The following GARNL3 variants were observed in gnomAD, a reference collection of about 807,000 sequenced individuals.
The protein encoded by GARNL3 is GTPase activating Rap/RanGAP domain like 3.
GARNL3 carries 63 observed loss-of-function variants against 125.0 expected under a neutral mutation model. That is an observed-to-expected ratio of 0.50 (90% CI 0.41 to 0.62). The LOEUF is 0.62. GARNL3 is among the 20% of genes least tolerant of loss of function. GARNL3 has a pLI of 0.00. For synonymous variants in GARNL3, 439 were observed against 457.5 expected, an observed-to-expected ratio of 0.96 and a Z score of 0.52; for missense variants, 994 against 1,244.0, an observed-to-expected ratio of 0.80 and a Z score of 3.02.
chr9:127,296,306 A>G (rs1016944613), intron 2 of GARNL3, among the ~76,000 whole-genome samples: 3 of 152,172 alleles, frequency 2.0e-5, no homozygotes, highest in Non-Finnish European at 4.4e-5. Context: ...CAAAGGGAAG[A>G]GATGCATAGG....
chr9:127,354,811 C>T (rs1158147110), intron 19 of GARNL3, among the ~76,000 whole-genome samples: 4 of 152,112 alleles, frequency 2.6e-5, no homozygotes, highest in East Asian at 1.9e-4. Context: ...CCTTTCCTTT[C>T]GGCAGAGTCT....
chr9:127,363,464 T>C (rs1247343046), intron 21 of GARNL3: 3 of 152,322 alleles, frequency 2.0e-5, no homozygotes, highest in Admixed American at 6.5e-5. Flanking sequence ...GAGCTGGGGA[T>C]TCCATTGGAA....
At chr9:127,393,005 C>T in intron 27 of GARNL3, 78 bp from the exon 28 acceptor site, 1 of 1,188,662 alleles carries the variant, frequency 8.4e-7, no homozygotes, top group Non-Finnish European at 1.2e-6. Context: ...CTCAGATGAG[C>T]AGGAAATTGC....
chr9:127,388,886 T>A lies in GARNL3; in HGVS notation c.2528-18T>A. On this transcript the variant is annotated intron_variant, in intron 25 of 27. Coordinates refer to ENST00000373387, the MANE Select transcript of GARNL3 (RefSeq NM_032293.5). The stretch of plus-strand genomic sequence containing the variant: ...CTTTTCTTAAAGTTCTGATGTTCTT[T>A]TTGAAATCACATTTCAGGTGAAATT... 1 of 1,447,268 alleles carries A rather than the reference T, an allele frequency of 6.9e-7. No individual in the cohort carries two copies. 89.7% of individuals were successfully genotyped at this position (1,447,268 alleles called of 1,614,324 possible).
chr9:127,341,837 C>G (rs1426026710), intron 13 of GARNL3, among the ~76,000 whole-genome samples: 1 of 152,118 alleles, frequency 6.6e-6, no homozygotes, highest in African/African-American at 2.4e-5. Context: ...CAGAAGAATG[C>G]AGGCTCAAGG....
chr9:127,354,434 C>A, intron 19 of GARNL3, 24 bp downstream of exon 19: 1 of 1,384,000 alleles, frequency 7.2e-7, no homozygotes, highest in Non-Finnish European at 1.0e-6. Context: ...TTGGTAGATT[C>A]CATTCGATTC....
intron 2 of GARNL3, among the ~76,000 whole-genome samples, chr9:127,249,230 G>A (rs1325077976): frequency 3.9e-5 from 6 of 152,170 alleles, no homozygotes; most frequent in African/African-American, 1.4e-4. Flanking sequence ...AGGGGAAGAA[G>A]GGGCAAGAAA....
intron 2 of GARNL3, among the ~76,000 whole-genome samples, chr9:127,294,197 C>G (rs1013181634): frequency 3.3e-5 from 5 of 152,220 alleles, no homozygotes; most frequent in Admixed American, 2.6e-4. Flanking sequence ...CAAACATCCT[C>G]AAGCCAAAAA....
intron 26 of GARNL3, among the ~76,000 whole-genome samples, chr9:127,389,626 T>C (rs1391393158): frequency 6.6e-6 from 1 of 152,070 alleles, no homozygotes; most frequent in Admixed American, 6.6e-5. Flanking sequence ...TGAGCTCATT[T>C]CTCTCAGTAT....
intron 2 of GARNL3, among the ~76,000 whole-genome samples, chr9:127,254,787 C>T (rs540972547): frequency 6.7e-5 from 10 of 149,264 alleles, no homozygotes; most frequent in African/African-American, 2.5e-4. Flanking sequence ...AAAAAAACTA[C>T]CAATTAATTG....
intron 7 of GARNL3, among the ~76,000 whole-genome samples, chr9:127,327,979 T>C (rs1376822421): frequency 2.0e-5 from 3 of 152,220 alleles, no homozygotes; most frequent in Non-Finnish European, 4.4e-5. Flanking sequence ...TCCACAGATA[T>C]TTATTGAGCA....
intron 19 of GARNL3, among the ~76,000 whole-genome samples, chr9:127,354,878 C>T (rs749219280): frequency 7.2e-5 from 11 of 152,162 alleles, no homozygotes; most frequent in Non-Finnish European, 1.6e-4. Context: ...CTACAACCTC[C>T]GCCTCCTGGG....
chr9:127,292,589 A>G (rs1354057611), intron 2 of GARNL3, among the ~76,000 whole-genome samples: 1 of 152,232 alleles, frequency 6.6e-6, no homozygotes, highest in Non-Finnish European at 1.5e-5. Flanking sequence ...CCTGAAATGG[A>G]CAAACCAAAC....
At chr9:127,291,283 A>G (rs1403423122) in intron 2 of GARNL3, 41 bp downstream of exon 2, 18 of 1,512,108 alleles carry the variant, frequency 1.2e-5, no homozygotes, top group Non-Finnish European at 1.6e-5. Context: ...CACCAAGCAC[A>G]TGATTATAGT....
chr9:127,359,542 G>A (rs554094074), intron 21 of GARNL3, among the ~76,000 whole-genome samples: 1 of 152,060 alleles, frequency 6.6e-6, no homozygotes, highest in African/African-American at 2.4e-5. Flanking sequence ...TGTGTAAGCA[G>A]CCAAACAAAG....
At chr9:127,380,200 ATGTGTGTGTG>A (rs55906930) in intron 22 of GARNL3, among the ~76,000 whole-genome samples, 28 of 141,744 alleles carry the variant, frequency 2.0e-4, no homozygotes, top group South Asian at 1.4e-3. Context: ...CTCAAAAAAT[ATGTGTGTGTG>A]TGTGTGTGTG....
At chr9:127,388,875 C>T (rs775398677) in intron 25 of GARNL3, 29 bp from the exon 26 acceptor site, 2 of 1,300,102 alleles carry the variant, frequency 1.5e-6, no homozygotes, top group Non-Finnish European at 2.2e-6. Flanking sequence ...TCTTAAAGTT[C>T]TGATGTTCTT....
At chr9:127,245,244 G>T (rs1407803453) in intron 2 of GARNL3, 1 of 152,394 alleles carries the variant, frequency 6.6e-6, no homozygotes, top group Non-Finnish European at 1.5e-5. Flanking sequence ...GGGCGGGACC[G>T]CTGGAGAGCC....
chr9:127,361,316 G>T (rs1478353136), intron 21 of GARNL3, among the ~76,000 whole-genome samples: 2 of 151,806 alleles, frequency 1.3e-5, no homozygotes, highest in Non-Finnish European at 2.9e-5. Flanking sequence ...TCTGTCCCAG[G>T]CTGGAGTGCA....
Sources: gnomAD v4.1 joint callset for allele counts (sites outside exome capture counted in the v4.1 genomes callset) on GRCh38, gnomAD v4.1.1 for gene constraint, MANE v1.5 for transcripts, NCBI Gene and HGNC (gene_info 2026-07-23, HGNC 2026-07-21) for gene names.